ZNF710: variants seen among roughly 807,000 people sequenced by gnomAD.
The protein encoded by ZNF710 is zinc finger protein 710.
ZNF710 carries 13 observed loss-of-function variants against 50.6 expected under a neutral mutation model. That is an observed-to-expected ratio of 0.26 (90% CI 0.17 to 0.41). The LOEUF is 0.41. Ranked by LOEUF, ZNF710 falls within the 10% of genes least tolerant of loss-of-function variation. The pLI is 1.00. For missense variants in ZNF710, 721 were observed against 936.6 expected (o/e 0.77, Z 3.01); for synonymous variants, 383 against 397.0 (o/e 0.96, Z 0.42).
At chr15:90,052,891 C>A (rs1430221391) in intron 1 of ZNF710, among the ~76,000 whole-genome samples, 1 of 152,168 alleles carries the variant, frequency 6.6e-6, no homozygotes, top group African/African-American at 2.4e-5. Context: ...TGAGATGGCG[C>A]CACTGCACCC....
At chr15:90,019,187 C>CTTTTTTTTTTTTTT (rs11285838) in intron 1 of ZNF710, among the ~76,000 whole-genome samples, 19 of 89,362 alleles carry the variant, frequency 2.1e-4, no homozygotes, top group East Asian at 7.1e-4. Context: ...CTTTTTCTTT[C>CTTTTTTTTTTTTTT]TTTTTTTTTT....
chr15:90,047,215 A>C (rs954764732), intron 1 of ZNF710, among the ~76,000 whole-genome samples: 1 of 152,176 alleles, frequency 6.6e-6, no homozygotes, highest in Non-Finnish European at 1.5e-5. Context: ...TCCCCTAAGA[A>C]CTGGCATCAA....
In ZNF710 at chr15:90,011,511, A is replaced by C. The variant is rs909418915; in HGVS notation, c.-29+9897A>C. On this transcript the variant is annotated intron_variant, in intron 1 of 4. Transcript: ENST00000268154. ...TATAAAGTCACCACTGTCCCTCCCC[A>C]CATTCCATTGTCATACAATGGTTTA... 2.0e-5 allele frequency among the ~76,000 whole-genome samples: 3 copies of C among 152,126 alleles called. No homozygotes were observed. In the East Asian group the frequency reaches 5.8e-4, roughly 29 times the overall value.
At chr15:90,013,842 G>C (rs1898378501) in intron 1 of ZNF710, among the ~76,000 whole-genome samples, 1 of 152,022 alleles carries the variant, frequency 6.6e-6, no homozygotes, top group African/African-American at 2.4e-5. Context: ...AAAATTATCT[G>C]GTCTTTCCAC....
At chr15:90,000,046 C>T (rs1165628993), upstream of ZNF710, among the ~76,000 whole-genome samples, 1 of 151,774 alleles carries the variant, frequency 6.6e-6, no homozygotes, top group Non-Finnish European at 1.5e-5. Flanking sequence ...ACCGAGACCT[C>T]ACGTTTCTCC....
At chr15:90,058,904 G>A (rs1899918378) in intron 1 of ZNF710, among the ~76,000 whole-genome samples, 1 of 152,004 alleles carries the variant, frequency 6.6e-6, no homozygotes, top group South Asian at 2.1e-4. Flanking sequence ...TGCCCTTAAG[G>A]CCTTCAACTG....
chr15:90,071,709 T>C (rs1381970234), intron 2 of ZNF710, among the ~76,000 whole-genome samples: 2 of 150,264 alleles, frequency 1.3e-5, no homozygotes, highest in African/African-American at 2.5e-5. Context: ...GACGGAGGCT[T>C]ACTCTGTCAC....
chr15:90,005,602 C>G (rs900697403), intron 1 of ZNF710, among the ~76,000 whole-genome samples: 1 of 152,198 alleles, frequency 6.6e-6, no homozygotes, highest in African/African-American at 2.4e-5. Flanking sequence ...GCATGCGCCA[C>G]TACACCCAGC....
At chr15:90,064,685 A>G (rs1334601832) in intron 1 of ZNF710, among the ~76,000 whole-genome samples, 2 of 152,070 alleles carry the variant, frequency 1.3e-5, no homozygotes, top group Non-Finnish European at 2.9e-5. Flanking sequence ...ATGAGGTTTC[A>G]CCATGTTGGC....
intron 1 of ZNF710, among the ~76,000 whole-genome samples, chr15:90,058,988 C>A (rs1899921089): frequency 6.6e-6 from 1 of 152,180 alleles, no homozygotes; most frequent in Non-Finnish European, 1.5e-5. Context: ...TGAGTCACAT[C>A]TACAGGATAC....
chr15:90,062,489 T>C lies in ZNF710; in HGVS notation c.-28-4621T>C, dbSNP rs1900041794. Among the ~76,000 whole-genome samples the C allele has an allele frequency of 6.6e-6, 1 of 151,832 alleles. No individual in the cohort carries two copies. The highest frequency in any genetic ancestry group is 6.6e-5 in the Admixed American group (1 of 15,254). Reference sequence around the variant, plus strand: ...TTAGCACAAGTGGTGGGAGAGGCCCTGCTCTAAGAAGGGAGGGGCCCCAGT... The same window carrying C: ...TTAGCACAAGTGGTGGGAGAGGCCCCGCTCTAAGAAGGGAGGGGCCCCAGT... On this transcript the variant is annotated intron_variant, in intron 1 of 4. Coordinates refer to ENST00000268154, the MANE Select transcript of ZNF710 (RefSeq NM_198526.4). This position sits in a 1 kb window ranked among gnomAD's most constrained non-coding sequence, Gnocchi z 5.6.
chr15:90,041,848 C>T lies in ZNF710; in HGVS notation c.-28-25262C>T, dbSNP rs147349896. On this transcript the variant is annotated intron_variant, in intron 1 of 4. Coordinates refer to ENST00000268154, the MANE Select transcript of ZNF710 (RefSeq NM_198526.4). ...AGCACAACAGTGATTTTATAGGCTG[C>T]TGGTGGCTAGGTTAAATATCTGCCC... Among the ~76,000 whole-genome samples the T allele has an allele frequency of 3.1e-3, 469 of 150,098 alleles. 5 individuals are homozygous for T. Among genetic ancestry groups the T allele is most frequent in the African/African-American group, 0.01 (408 of 40,792 alleles).
intron 4 of ZNF710, 55 bp downstream of exon 4, chr15:90,074,345 C>T: frequency 6.2e-7 from 1 of 1,601,734 alleles, no homozygotes; most frequent in Non-Finnish European, 8.5e-7. Context: ...ATGACGCACT[C>T]AGGAGCCTCC....
intron 1 of ZNF710, among the ~76,000 whole-genome samples, chr15:90,058,129 T>C (rs962733751): frequency 5.3e-5 from 8 of 152,082 alleles, no homozygotes; most frequent in Non-Finnish European, 1.5e-5. Flanking sequence ...GAGCGAGGGT[T>C]GTCAGAGCAG....
chr15:90,079,037 T>C (rs191997312), intron 4 of ZNF710, among the ~76,000 whole-genome samples: 1 of 152,298 alleles, frequency 6.6e-6, no homozygotes, highest in East Asian at 1.9e-4. Context: ...GGCCCAAGGA[T>C]ACCAATGGCT....
At chr15:90,038,740 T>TGTGTGTGA (rs150950322) in intron 1 of ZNF710, among the ~76,000 whole-genome samples, 5,574 of 148,544 alleles carry the variant, frequency 0.038, 382 homozygotes, top group African/African-American at 0.14. Flanking sequence ...TGTGTGTGTG[T>TGTGTGTGA]GAGACATTGG....
chr15:90,037,706 T>C (rs77371204), intron 1 of ZNF710, among the ~76,000 whole-genome samples: 2,791 of 152,294 alleles, frequency 0.018, 91 homozygotes, highest in African/African-American at 0.063. Context: ...TCTTCAGCAC[T>C]CATAAGCATC....
In ZNF710 at chr15:90,067,590, G is replaced by A. The variant is rs769816201; in HGVS notation, c.453G>A (p.Val151=). ...EAASGGCDAL[V]QSSAVKMIDL... ...CCAGTGGCGGCTGCGACGCCCTGGT[G>A]CAGAGCAGCGCCGTCAAGATGATCG... Residue 151 remains valine (V), a synonymous_variant, in exon 2 of 5, where the codon GTG becomes GTA. Coordinates refer to ENST00000268154, the MANE Select transcript of ZNF710 (RefSeq NM_198526.4). The surrounding 1 kb of genome is among the most constrained non-coding windows in gnomAD (Gnocchi z 8.1). The A allele has an allele frequency of 3.1e-6, 5 of 1,610,028 alleles. No homozygotes were observed. Among genetic ancestry groups the A allele is most frequent in the Non-Finnish European group, 4.2e-6 (5 of 1,178,376 alleles).
intron 1 of ZNF710, among the ~76,000 whole-genome samples, chr15:90,005,574 G>A (rs548764350): frequency 4.6e-5 from 7 of 152,224 alleles, no homozygotes; most frequent in Admixed American, 4.6e-4. Flanking sequence ...TCAGCCTCCT[G>A]AGTAGCTGGG....
Sources: gnomAD v4.1 joint callset for allele counts (sites outside exome capture counted in the v4.1 genomes callset) on GRCh38, gnomAD v4.1.1 for gene constraint, Gnocchi (gnomAD v3.1) non-coding constraint, MANE v1.5 for transcripts, NCBI Gene and HGNC (gene_info 2026-07-23, HGNC 2026-07-21) for gene names.